The following LIMK2 variants were observed in gnomAD, a reference collection of about 807,000 sequenced individuals.
The protein encoded by LIMK2 is LIM domain kinase 2.
A neutral mutation model predicts 75.7 loss-of-function variants in LIMK2; 35 were observed. That is an observed-to-expected ratio of 0.46 (90% CI 0.35 to 0.61). The LOEUF (loss-of-function observed/expected upper bound fraction) is 0.61, where lower values mean the gene tolerates loss of function less well. Among genes scored for constraint, LIMK2 ranks in the 20% least tolerant of loss-of-function variants. The pLI, the probability that LIMK2 is intolerant of heterozygous loss-of-function variation, is 0.00. For missense variants in LIMK2, 623 were observed against 831.0 expected (o/e 0.75, Z 3.08); for synonymous variants, 301 against 319.2 (o/e 0.94, Z 0.61).
At chr22:31,265,191 CAAAAAAAA>C (rs35356989) in intron 7 of LIMK2, among the ~76,000 whole-genome samples, 41 of 34,500 alleles carry the variant, frequency 1.2e-3, no homozygotes, top group Middle Eastern at 0.043. Context: ...GAGACTCCAT[CAAAAAAAA>C]AAAAAAAAAA....
chr22:31,249,770 G>A (rs1406674770), intron 2 of LIMK2, among the ~76,000 whole-genome samples: 1 of 152,160 alleles, frequency 6.6e-6, no homozygotes, highest in Non-Finnish European at 1.5e-5. Context: ...CAGAAAAGCA[G>A]TGCACCATGT....
chr22:31,265,719 G>A (rs1050221545), intron 7 of LIMK2, among the ~76,000 whole-genome samples: 2 of 152,198 alleles, frequency 1.3e-5, no homozygotes, highest in Non-Finnish European at 2.9e-5. Flanking sequence ...TATGTGTGAT[G>A]TATGCAGAGT....
At position 31,225,703 on chromosome 22, in the gene LIMK2, CT is replaced by C. The variant is rs1156338627; in HGVS notation, c.17-15del. 1.2e-6 allele frequency: 2 copies of C among 1,610,102 alleles called. No homozygotes were observed. Among genetic ancestry groups the C allele is most frequent in the Non-Finnish European group, 8.5e-7 (1 of 1,176,990 alleles). On this transcript the variant is annotated splice_polypyrimidine_tract_variant and intron_variant, in intron 1 of 15. Transcript: ENST00000331728. ...CCTGCTACTTTGGGCCTCTCAACCT[CT>C]TGGTTTTGTGTGCAGGTGAAGATGT...
At position 31,262,766 on chromosome 22, in the gene LIMK2, G is replaced by C. The variant is rs992327983; in HGVS notation, c.829G>C (p.Gly277Arg). 1 of 1,611,800 alleles carries C rather than the reference G, an allele frequency of 6.2e-7. No homozygotes were observed. The highest frequency in any genetic ancestry group is 1.3e-5 in the African/African-American group (1 of 74,844). ...STLDTKENLEGTLRRRSLRRS... is the reference protein window; with the variant it reads ...STLDTKENLERTLRRRSLRRS... ...CCTGGACACCAAGGAGAATCTGGAG[G>C]GGACACTGAGGAGACGTTCCCTAAG... is the stretch of plus-strand genomic sequence containing the variant. The change falls in exon 7 of 16, where the codon GGG becomes CGG. Residue 277 changes from glycine (G) to arginine (R), a missense_variant. Gly to Arg is a moderately radical substitution (Grantham distance 125). This residue lies in a region of LIMK2 where 514 missense variants were observed against 661.3 expected (regional missense o/e 0.78). Coordinates refer to ENST00000331728, the MANE Select transcript of LIMK2 (RefSeq NM_005569.4). This position sits in a 1 kb window ranked among gnomAD's most constrained non-coding sequence, Gnocchi z 5.0.
intron 1 of LIMK2, among the ~76,000 whole-genome samples, chr22:31,224,010 G>A (rs1408016504): frequency 6.6e-6 from 1 of 152,192 alleles, no homozygotes; most frequent in Non-Finnish European, 1.5e-5. Flanking sequence ...TGGCCCCTGT[G>A]CCTGTGAAAC....
At chr22:31,237,554 CAAAA>C (rs1040206766) in intron 2 of LIMK2, among the ~76,000 whole-genome samples, 3 of 103,970 alleles carry the variant, frequency 2.9e-5, no homozygotes, top group Non-Finnish European at 6.2e-5. Flanking sequence ...GATTCCGTCT[CAAAA>C]AAAAAAAAAA....
At chr22:31,246,179 G>GCGCACACACA (rs1555886265) in intron 2 of LIMK2, among the ~76,000 whole-genome samples, 18 of 69,824 alleles carry the variant, frequency 2.6e-4, no homozygotes, top group Non-Finnish European at 4.6e-4. Flanking sequence ...ACACACGCAC[G>GCGCACACACA]CACGCACACA....
intron 15 of LIMK2, 186 bp downstream of exon 15, chr22:31,275,494 T>A: frequency 1.7e-6 from 1 of 594,290 alleles, no homozygotes; most frequent in Non-Finnish European, 3.0e-6. Context: ...GGTAAAGACA[T>A]AGCAGCAAGT....
At chr22:31,223,917 G>A (rs755940631) in intron 1 of LIMK2, among the ~76,000 whole-genome samples, 2 of 152,224 alleles carry the variant, frequency 1.3e-5, no homozygotes, top group Non-Finnish European at 2.9e-5. Flanking sequence ...TCTGGGGAAC[G>A]AGGGGGACAA....
intron 2 of LIMK2, among the ~76,000 whole-genome samples, chr22:31,241,898 G>T (rs993696568): frequency 6.6e-6 from 1 of 152,148 alleles, no homozygotes; most frequent in African/African-American, 2.4e-5. Context: ...GGGAAGCCCA[G>T]AGATGTTAAA....
At chr22:31,243,459 G>A (rs953156069) in intron 2 of LIMK2, among the ~76,000 whole-genome samples, 2 of 152,156 alleles carry the variant, frequency 1.3e-5, no homozygotes, top group African/African-American at 2.4e-5. Flanking sequence ...GCTTTCTTCC[G>A]ACAAAAGGTT....
intron 11 of LIMK2, 95 bp from the exon 12 acceptor site, chr22:31,271,041 T>G: frequency 8.7e-7 from 1 of 1,143,950 alleles, no homozygotes; most frequent in East Asian, 2.4e-5. Flanking sequence ...TGGGTGGGCA[T>G]GGCCTGGTAG....
intron 14 of LIMK2, among the ~76,000 whole-genome samples, chr22:31,274,487 G>A (rs1038673055): frequency 6.6e-6 from 1 of 152,068 alleles, no homozygotes; most frequent in African/African-American, 2.4e-5. Flanking sequence ...TGCAGCCTCC[G>A]CCTCCCAGGT....
intron 2 of LIMK2, among the ~76,000 whole-genome samples, chr22:31,232,049 A>G (rs1469312266): frequency 6.6e-6 from 1 of 151,754 alleles, no homozygotes; most frequent in African/African-American, 2.4e-5. Flanking sequence ...CTTGAACTCC[A>G]GCGATCCTCC....
intron 1 of LIMK2, among the ~76,000 whole-genome samples, chr22:31,217,302 G>A (rs2048396371): frequency 6.6e-6 from 1 of 152,064 alleles, no homozygotes; most frequent in Non-Finnish European, 1.5e-5. Context: ...GGAGGCTGAG[G>A]CAGAGAATTG....
intron 2 of LIMK2, among the ~76,000 whole-genome samples, chr22:31,245,080 G>T (rs979362265): frequency 2.6e-5 from 4 of 152,208 alleles, no homozygotes; most frequent in Non-Finnish European, 4.4e-5. Context: ...TTAATACAGG[G>T]TGAGCACCTG....
At chr22:31,248,301 G>C in intron 2 of LIMK2, 1 of 1,178,824 alleles carries the variant, frequency 8.5e-7, no homozygotes, top group Non-Finnish European at 1.1e-6. Flanking sequence ...TTCTGCGGGA[G>C]CCCCTCCTCT....
chr22:31,256,750 C>G (rs537648717), intron 2 of LIMK2, among the ~76,000 whole-genome samples: 29 of 152,210 alleles, frequency 1.9e-4, no homozygotes, highest in Middle Eastern at 6.8e-3. Context: ...GATGATGTAA[C>G]TAGTAAGTGG....
intron 14 of LIMK2, 57 bp downstream of exon 14, chr22:31,273,564 C>A: frequency 7.1e-7 from 1 of 1,402,768 alleles, no homozygotes; most frequent in Non-Finnish European, 1.0e-6. Context: ...CTCTGCCTTC[C>A]CTCGGAACTG....
Sources: gnomAD v4.1 joint callset for allele counts (sites outside exome capture counted in the v4.1 genomes callset) on GRCh38, gnomAD v4.1.1 for gene constraint, gnomAD v4.1.1 regional missense constraint, Gnocchi (gnomAD v3.1) non-coding constraint, MANE v1.5 for transcripts, NCBI Gene and HGNC (gene_info 2026-07-23, HGNC 2026-07-21) for gene names.